KCNS3: variants seen among roughly 807,000 people sequenced by gnomAD.
The protein encoded by KCNS3 is potassium voltage-gated channel modifier subfamily S member 3, also known as delayed-rectifier potassium channel regulatory subunit KCNS3.
In KCNS3, 13 loss-of-function variants were observed where a neutral mutation model predicts 31.0. The ratio of observed to expected loss-of-function variants is 0.42; its 90% confidence interval spans 0.27 to 0.67. KCNS3 has a LOEUF of 0.67. KCNS3 is among the 30% of genes least tolerant of loss of function. KCNS3 has a pLI of 0.25. For synonymous variants in KCNS3, 238 were observed against 241.5 expected (o/e 0.99, Z 0.13); for missense variants, 545 against 622.4 (o/e 0.88, Z 1.32).
intron 2 of KCNS3, chr2:17,919,471 G>C (rs1662663751): frequency 6.6e-6 from 1 of 152,216 alleles, no homozygotes; most frequent in African/African-American, 2.4e-5. Flanking sequence ...CAGATAAGAA[G>C]AGGCAGCTCA....
chr2:17,921,913 G>GTACATATATATA (rs1373281256), intron 2 of KCNS3, among the ~76,000 whole-genome samples: 1 of 34,106 alleles, frequency 2.9e-5, no homozygotes, highest in Admixed American at 4.2e-4. Context: ...GTGTGTGTGT[G>GTACATATATATA]TGTATATATA....
At chr2:17,925,891 C>T (rs1048657160) in intron 2 of KCNS3, among the ~76,000 whole-genome samples, 1 of 152,210 alleles carries the variant, frequency 6.6e-6, no homozygotes, top group Non-Finnish European at 1.5e-5. Flanking sequence ...CTCATTTCAA[C>T]ATTAATTCAA....
At chr2:17,887,484 G>GATCTATCTATCTATCTATCTATCT (rs55654719) in intron 1 of KCNS3, among the ~76,000 whole-genome samples, 22 of 146,358 alleles carry the variant, frequency 1.5e-4, no homozygotes, top group East Asian at 6.0e-4. Flanking sequence ...TCTATCATAT[G>GATCTATCTATCTATCTATCTATCT]ATCTATCTAT....
At chr2:17,896,057 A>AT (rs1662017647) in intron 1 of KCNS3, among the ~76,000 whole-genome samples, 1 of 151,842 alleles carries the variant, frequency 6.6e-6, no homozygotes, top group African/African-American at 2.4e-5. Flanking sequence ...ATTTCTTTTT[A>AT]TTTTTTAGAG....
In KCNS3 at chr2:17,906,857, C is replaced by T. The variant is rs1024519109; in HGVS notation, c.-251-10823C>T. ...TATAATTTCTGTTCTCTTACATTTGCTGAGGAGTCCTTTACTTCCAACTAT... is the reference window on the plus strand; with the variant it reads ...TATAATTTCTGTTCTCTTACATTTGTTGAGGAGTCCTTTACTTCCAACTAT... On this transcript the variant is annotated intron_variant, in intron 1 of 2. Transcript: ENST00000304101. 1.2e-4 allele frequency among the ~76,000 whole-genome samples: 18 copies of T among 152,206 alleles called. 1 individual carries two copies. Among genetic ancestry groups the T allele is most frequent in the Non-Finnish European group, 5.9e-5 (4 of 68,034 alleles).
chr2:17,917,355 A>G (rs576507532), intron 1 of KCNS3, among the ~76,000 whole-genome samples: 12 of 152,370 alleles, frequency 7.9e-5, no homozygotes, highest in African/African-American at 2.9e-4. Flanking sequence ...TAACACTTCT[A>G]TAAGAAACCA....
rs147647932 is a variant in KCNS3 at position 17,931,367 on chromosome 2, G to A, written c.359G>A (p.Arg120His). Residue 120 changes from arginine to histidine, a missense_variant, in exon 3 of 3, where the codon CGC becomes CAC. Arg to His is a conservative substitution (Grantham distance 29). Transcript: ENST00000304101. This position sits in a 1 kb window ranked among gnomAD's most constrained non-coding sequence, Gnocchi z 5.4. Reference protein sequence around the residue: ...ELFIDSCCSNRYQERKEENHE... With the variant: ...ELFIDSCCSNHYQERKEENHE... ...TTCATTGATTCTTGCTGCAGCAATC[G>A]CTACCAGGAACGCAAGGAGGAAAAC... 8.7e-6 allele frequency: 14 copies of A among 1,613,968 alleles called. No homozygotes were observed. Among genetic ancestry groups the A allele is most frequent in the African/African-American group, 4.0e-5 (3 of 74,880 alleles).
chr2:17,884,265 AAAAATATATATATAT>A (rs201494171), intron 1 of KCNS3, among the ~76,000 whole-genome samples: 6,743 of 44,376 alleles, frequency 0.15, 502 homozygotes, highest in East Asian at 0.51. Context: ...TTAAAAAAAA[AAAAATATATATATAT>A]ATATATATAT....
chr2:17,883,531 A>G (rs1223592771), intron 1 of KCNS3, among the ~76,000 whole-genome samples: 1 of 152,122 alleles, frequency 6.6e-6, no homozygotes, highest in Non-Finnish European at 1.5e-5. Context: ...ACTAGTTTAG[A>G]TGAGAGGGTC....
chr2:17,894,020 T>C (rs1401074083), intron 1 of KCNS3, among the ~76,000 whole-genome samples: 1 of 149,036 alleles, frequency 6.7e-6, no homozygotes, highest in African/African-American at 2.5e-5. Context: ...GACAGTTTAA[T>C]GTGGCCCTGA....
chr2:17,895,539 C>T (rs79226625), intron 1 of KCNS3, among the ~76,000 whole-genome samples: 2,855 of 152,236 alleles, frequency 0.019, 83 homozygotes, highest in African/African-American at 0.063. Flanking sequence ...CAGGAAAACC[C>T]TTGTTTTTTC....
chr2:17,930,038 T>A (rs1051881185), intron 2 of KCNS3, among the ~76,000 whole-genome samples: 3 of 152,202 alleles, frequency 2.0e-5, no homozygotes, highest in Non-Finnish European at 4.4e-5. Flanking sequence ...CAAAAGCTGT[T>A]ATTTTCTCTC....
At chr2:17,909,088 A>G (rs1662409538) in intron 1 of KCNS3, among the ~76,000 whole-genome samples, 1 of 152,168 alleles carries the variant, frequency 6.6e-6, no homozygotes, top group Admixed American at 6.5e-5. Flanking sequence ...GGCCTCCTTG[A>G]GCTGCAGTGG....
At chr2:17,888,288 A>G (rs1471187667) in intron 1 of KCNS3, among the ~76,000 whole-genome samples, 1 of 152,102 alleles carries the variant, frequency 6.6e-6, no homozygotes, top group Non-Finnish European at 1.5e-5. Context: ...TTCCATTGTT[A>G]TCTTCTAGAA....
intron 1 of KCNS3, among the ~76,000 whole-genome samples, chr2:17,899,038 C>T (rs1262077267): frequency 1.3e-5 from 2 of 152,046 alleles, no homozygotes; most frequent in Non-Finnish European, 1.5e-5. Flanking sequence ...CCATCCCGGC[C>T]AACATGGTGA....
intron 2 of KCNS3, chr2:17,919,391 G>C (rs1436835382): frequency 6.6e-6 from 1 of 152,114 alleles, no homozygotes; most frequent in Non-Finnish European, 1.5e-5. Context: ...TTTTACATTT[G>C]TTATTTTATC....
intron 1 of KCNS3, among the ~76,000 whole-genome samples, chr2:17,904,257 CTTT>C: frequency 6.6e-6 from 1 of 152,296 alleles, no homozygotes; most frequent in South Asian, 2.1e-4. Context: ...TAAATGTCTT[CTTT>C]TGAGAAGTGT....
chr2:17,891,969 G>A (rs1661866137), intron 1 of KCNS3, among the ~76,000 whole-genome samples: 1 of 152,092 alleles, frequency 6.6e-6, no homozygotes, highest in Non-Finnish European at 1.5e-5. Flanking sequence ...TGGATGTCTA[G>A]GTCTCTAGCA....
chr2:17,913,101 T>C (rs1190389057), intron 1 of KCNS3, among the ~76,000 whole-genome samples: 5 of 149,090 alleles, frequency 3.4e-5, no homozygotes, highest in African/African-American at 4.9e-5. Context: ...CTAAATCCAA[T>C]TATGGCAGTA....
Sources: allele counts gnomAD v4.1 joint callset (sites outside exome capture counted in the v4.1 genomes callset), GRCh38; gene constraint gnomAD v4.1.1; non-coding constraint Gnocchi (gnomAD v3.1); transcripts MANE v1.5; gene names NCBI Gene and HGNC (gene_info 2026-07-23, HGNC 2026-07-21).